Variants in VEPH1 observed in about 807,000 individuals in gnomAD.
VEPH1 encodes ventricular zone-expressed PH domain-containing protein homolog 1.
Under a neutral mutation model 85.2 loss-of-function variants are expected in VEPH1, and 80 were observed. The observed-to-expected ratio is 0.94, with a 90% CI of 0.78 to 1.13. The LOEUF is 1.13. VEPH1 is among the 50% of genes most tolerant of loss of function. The pLI, the probability that VEPH1 is intolerant of heterozygous loss-of-function variation, is 0.00. For synonymous variants in VEPH1, 297 were observed against 348.0 expected (o/e 0.85, Z 1.63); for missense variants, 955 against 980.5 (o/e 0.97, Z 0.35).
intron 9 of VEPH1, among the ~76,000 whole-genome samples, chr3:157,356,480 C>T (rs1725445688): frequency 6.6e-6 from 1 of 152,046 alleles, no homozygotes; most frequent in Non-Finnish European, 1.5e-5. Flanking sequence ...TATGTAATTG[C>T]CTATGATTTT....
At chr3:157,482,082 T>C (rs977518173) in intron 2 of VEPH1, among the ~76,000 whole-genome samples, 2 of 152,222 alleles carry the variant, frequency 1.3e-5, no homozygotes, top group Non-Finnish European at 1.5e-5. Flanking sequence ...AGCCTTATAG[T>C]ATAGTTTAAG....
intron 3 of VEPH1, among the ~76,000 whole-genome samples, chr3:157,465,651 G>A (rs1156826829): frequency 1.3e-5 from 2 of 152,168 alleles, no homozygotes; most frequent in Non-Finnish European, 2.9e-5. Context: ...ACTGTCTGAG[G>A]CACTTCACAT....
chr3:157,381,104 A>G (rs1577507227), intron 7 of VEPH1, 52 bp downstream of exon 7: 1 of 1,582,908 alleles, frequency 6.3e-7, no homozygotes. Flanking sequence ...TCTGCATTCT[A>G]CCCCCACAGG....
chr3:157,400,006 A>G (rs1257047993), intron 6 of VEPH1, among the ~76,000 whole-genome samples: 2 of 152,020 alleles, frequency 1.3e-5, no homozygotes, highest in Admixed American at 6.6e-5. Context: ...ATATTTTTCT[A>G]CCCATTGATT....
chr3:157,497,030 G>A (rs1476872535), intron 1 of VEPH1, among the ~76,000 whole-genome samples: 2 of 152,098 alleles, frequency 1.3e-5, no homozygotes, highest in Non-Finnish European at 2.9e-5. Context: ...GCAACCTGAG[G>A]TAGTTAAATA....
At chr3:157,327,641 G>T (rs777921358) in intron 9 of VEPH1, among the ~76,000 whole-genome samples, 3 of 152,264 alleles carry the variant, frequency 2.0e-5, no homozygotes, top group Non-Finnish European at 4.4e-5. Flanking sequence ...GATGGGGAGT[G>T]AGCTGTAGGA....
Position 157,320,983 on chromosome 3 carries a change from C to T in VEPH1, c.1736-3782G>A, listed in dbSNP as rs561787026. On this transcript the variant is annotated intron_variant, in intron 9 of 13. Transcript: ENST00000362010. ...TTCTTGGGAGACTAGACACTTATAACCTATTTCTCAGGTGGCCACTCATAA... is the reference window on the plus strand; with the variant it reads ...TTCTTGGGAGACTAGACACTTATAATCTATTTCTCAGGTGGCCACTCATAA... Among the ~76,000 whole-genome samples the T allele has an allele frequency of 5.7e-4, 86 of 152,162 alleles. No individual in the cohort carries two copies. The Middle Eastern group carries it at 0.017, about 30-fold the overall frequency.
At chr3:157,487,106 A>G (rs1234554950) in intron 2 of VEPH1, among the ~76,000 whole-genome samples, 2 of 152,100 alleles carry the variant, frequency 1.3e-5, no homozygotes, top group East Asian at 1.9e-4. Flanking sequence ...AATTGAGGAG[A>G]CTAAAAAAAA....
chr3:157,337,086 A>C (rs1723038896), intron 9 of VEPH1, among the ~76,000 whole-genome samples: 1 of 151,218 alleles, frequency 6.6e-6, no homozygotes, highest in South Asian at 2.1e-4. Flanking sequence ...TTAGTGTCAA[A>C]GGAAATGCCA....
chr3:157,428,576 C>T, intron 4 of VEPH1, 88 bp from the exon 5 acceptor site: 1 of 1,327,678 alleles, frequency 7.5e-7, no homozygotes. Context: ...AATATTTGCA[C>T]TTACACATTA....
intron 2 of VEPH1, among the ~76,000 whole-genome samples, chr3:157,481,343 A>G (rs1738029221): frequency 2.0e-5 from 3 of 151,484 alleles, no homozygotes; most frequent in African/African-American, 7.3e-5. Context: ...TGCCCAAAGC[A>G]ATCTATACAT....
chr3:157,483,866 C>T (rs752167046), intron 2 of VEPH1, among the ~76,000 whole-genome samples: 1 of 151,946 alleles, frequency 6.6e-6, no homozygotes, highest in Non-Finnish European at 1.5e-5. Context: ...GTTGGATGCA[C>T]AACTGAGTGA....
At chr3:157,478,164 T>C (rs1251895999) in intron 2 of VEPH1, among the ~76,000 whole-genome samples, 1 of 152,136 alleles carries the variant, frequency 6.6e-6, no homozygotes, top group Non-Finnish European at 1.5e-5. Context: ...ACAACCTGCA[T>C]CCAATGACTA....
intron 11 of VEPH1, among the ~76,000 whole-genome samples, chr3:157,289,700 G>T (rs1393905341): frequency 6.6e-6 from 1 of 152,134 alleles, no homozygotes; most frequent in Non-Finnish European, 1.5e-5. Flanking sequence ...CTTCCCTAGG[G>T]CTTGCCCAAG....
At position 157,437,018 on chromosome 3, in the gene VEPH1, A is replaced by G. The variant is rs1276682495; in HGVS notation, c.530-8530T>C. ...GGATGATTATGATCTCATGTATGTG[A>G]ATTTGGACAACGAAATAGACAATGG... On this transcript the variant is annotated intron_variant, in intron 4 of 13. Coordinates refer to ENST00000362010, the MANE Select transcript of VEPH1 (RefSeq NM_001167912.2). The G allele has an allele frequency of 3.7e-6, 6 of 1,614,060 alleles. No individual in the cohort carries two copies. The South Asian group carries it at 6.6e-5, about 18-fold the overall frequency.
Position 157,286,612 on chromosome 3 carries a change from A to G in VEPH1, c.2073T>C (p.Ser691=), listed in dbSNP as rs763282368. The G allele has an allele frequency of 1.9e-6, 3 of 1,613,990 alleles. No individual in the cohort carries two copies. Among genetic ancestry groups the G allele is most frequent in the Non-Finnish European group, 8.5e-7 (1 of 1,180,004 alleles). ...AGCATTGCCATGCTCCTGCTGTTTC[A>G]CTGAAGCCAAACACGTCAAAGAACC... ...EVRFFDVFGF[S]ETAGAWQCFM... The change falls in exon 12 of 14, where the codon AGT becomes AGC. Residue 691 remains serine, a synonymous_variant. Coordinates refer to ENST00000362010, the MANE Select transcript of VEPH1 (RefSeq NM_001167912.2).
intron 5 of VEPH1, among the ~76,000 whole-genome samples, chr3:157,421,784 T>G (rs1732359159): frequency 6.6e-6 from 1 of 152,072 alleles, no homozygotes; most frequent in Non-Finnish European, 1.5e-5. Flanking sequence ...TGCTTTACCA[T>G]GAAGGTAGGG....
Position 157,363,706 on chromosome 3 carries a change from C to T in VEPH1, c.1393G>A (p.Gly465Ser), listed in dbSNP as rs150966508. The T allele has an allele frequency of 7.5e-5, 121 of 1,614,084 alleles. No homozygotes were observed. Among genetic ancestry groups the T allele is most frequent in the Admixed American group, 1.3e-4 (8 of 60,006 alleles). The stretch of plus-strand genomic sequence containing the variant: ...ATGTCTCCCCTGTTTTCATCTTCGC[C>T]GTCATCTGAACCCACACCCTTTGTG... ...MLTKGVGSDD[G>S]EDENRGDIPA... Residue 465 changes from glycine (G) to serine (S), a missense_variant, in exon 9 of 14, where the codon GGC becomes AGC. Physicochemically the swap from Gly to Ser is moderately conservative, Grantham distance 56. Transcript: ENST00000362010.
intron 7 of VEPH1, among the ~76,000 whole-genome samples, chr3:157,376,186 T>C (rs1728082244): frequency 6.6e-6 from 1 of 152,148 alleles, no homozygotes; most frequent in Non-Finnish European, 1.5e-5. Context: ...ACAATTTCCA[T>C]CCCTCAAAGT....
Sources: allele counts gnomAD v4.1 joint callset (sites outside exome capture counted in the v4.1 genomes callset), GRCh38; gene constraint gnomAD v4.1.1; transcripts MANE v1.5; gene names NCBI Gene and HGNC (gene_info 2026-07-23, HGNC 2026-07-21).